DSCAM: variants seen among roughly 807,000 people sequenced by gnomAD.
DSCAM encodes cell adhesion molecule DSCAM.
In DSCAM, 47 loss-of-function variants were observed where a neutral mutation model predicts 217.7. That is an observed-to-expected ratio of 0.22 (90% CI 0.17 to 0.28). The LOEUF (loss-of-function observed/expected upper bound fraction) is 0.28. DSCAM is among the 10% of genes least tolerant of loss of function. The probability of loss-of-function intolerance (pLI) is 1.00; values close to 1 mark genes in which losing one functional copy is unlikely to be tolerated. For missense variants in DSCAM, 2,080 were observed against 2,618.3 expected, an observed-to-expected ratio of 0.79 and a Z score of 4.49; for synonymous variants, 1,056 against 1,015.3, an observed-to-expected ratio of 1.04 and a Z score of -0.76.
At chr21:40,635,995 C>T (rs2089753420) in intron 3 of DSCAM, among the ~76,000 whole-genome samples, 1 of 152,140 alleles carries the variant, frequency 6.6e-6, no homozygotes, top group Non-Finnish European at 1.5e-5. Flanking sequence ...AATGAATTCT[C>T]TGAAGAGAAA....
At chr21:40,384,070 C>T (rs2837598) in intron 3 of DSCAM, 15,326 of 152,298 alleles carry the variant, frequency 0.1, 1,140 homozygotes, top group Admixed American at 0.24. Flanking sequence ...TTGGAGATCA[C>T]AGCCAAGGAA....
chr21:40,716,774 A>G (rs1461150326), intron 1 of DSCAM, among the ~76,000 whole-genome samples: 1 of 152,234 alleles, frequency 6.6e-6, no homozygotes, highest in Non-Finnish European at 1.5e-5. Flanking sequence ...CCTACTAGGT[A>G]CCAGGTCTTG....
At chr21:40,606,067 C>T (rs547671198) in intron 3 of DSCAM, among the ~76,000 whole-genome samples, 1 of 152,250 alleles carries the variant, frequency 6.6e-6, no homozygotes, top group Non-Finnish European at 1.5e-5. Context: ...TCCCAAAGTG[C>T]TGGGATTACA....
At chr21:40,576,109 A>T (rs1022766170) in intron 3 of DSCAM, among the ~76,000 whole-genome samples, 1 of 152,224 alleles carries the variant, frequency 6.6e-6, no homozygotes, top group Admixed American at 6.5e-5. Flanking sequence ...TTTCCCCAAG[A>T]GAAATCCTAA....
chr21:40,051,939 A>C lies in DSCAM; in HGVS notation c.5185+19T>G. 6.3e-7 allele frequency: 1 copy of C among 1,599,188 alleles called. No individual in the cohort carries two copies. The highest frequency in any genetic ancestry group is 8.5e-7 in the Non-Finnish European group (1 of 1,173,856). ...GCATTGTTAACACCCACACATTTTA[A>C]GCATTGTTGACCACTCACTCGTTCC... On this transcript the variant is annotated intron_variant, in intron 30 of 32. Transcript: ENST00000400454.
chr21:40,657,157 C>G (rs1215170222), intron 3 of DSCAM, among the ~76,000 whole-genome samples: 1 of 152,200 alleles, frequency 6.6e-6, no homozygotes, highest in Non-Finnish European at 1.5e-5. Context: ...TTTACACTCT[C>G]TCCTAGGTGG....
chr21:40,773,006 A>G (rs9636974), intron 1 of DSCAM, among the ~76,000 whole-genome samples: 41,395 of 152,184 alleles, frequency 0.27, 6,738 homozygotes, highest in Non-Finnish European at 0.36. Context: ...CATTGGCCCT[A>G]TTGCCACAGG....
At chr21:40,380,184 T>C (rs1295522170) in intron 3 of DSCAM, among the ~76,000 whole-genome samples, 1 of 152,254 alleles carries the variant, frequency 6.6e-6, no homozygotes, top group African/African-American at 2.4e-5. Context: ...TCCAACTGTA[T>C]ACCTAATTAC....
intron 1 of DSCAM, among the ~76,000 whole-genome samples, chr21:40,731,761 C>G (rs1402803126): frequency 1.6e-5 from 2 of 127,752 alleles, no homozygotes; most frequent in African/African-American, 5.9e-5. Context: ...GAGAGTCTTG[C>G]TCTTTCACCC....
chr21:40,299,348 G>T (rs2837560), intron 9 of DSCAM, among the ~76,000 whole-genome samples: 2 of 151,836 alleles, frequency 1.3e-5, no homozygotes, highest in Admixed American at 1.3e-4. Context: ...ATTTATTATC[G>T]TGTACCAGTG....
In DSCAM at chr21:40,312,022, C is replaced by T. The variant is rs1035794432; in HGVS notation, c.2062+59G>A. 7.0e-5 allele frequency: 91 copies of T among 1,299,288 alleles called. No homozygotes were observed. The East Asian group carries it at 8.4e-4, about 12-fold the overall frequency. The allele number at this position is 1,299,288 out of a possible 1,614,324, so 80.5% of individuals were successfully genotyped here. A position where few individuals can be genotyped will look rare whatever the true frequency, so the allele number is the denominator to read the frequency against. ...TTCGAAATATTTCAAGCCCCATCAT[C>T]TTAAACCATTGTTAAATCAACTCTA... On this transcript the variant is annotated intron_variant, in intron 9 of 32. Transcript: ENST00000400454.
intron 22 of DSCAM, among the ~76,000 whole-genome samples, chr21:40,086,814 G>C (rs1027414549): frequency 2.0e-5 from 3 of 152,176 alleles, no homozygotes; most frequent in Admixed American, 1.3e-4. Context: ...GAAGAGATAG[G>C]TGTTAAATCT....
At chr21:40,248,077 T>C (rs1334318019) in intron 11 of DSCAM, among the ~76,000 whole-genome samples, 1 of 152,132 alleles carries the variant, frequency 6.6e-6, no homozygotes, top group Non-Finnish European at 1.5e-5. Context: ...GTGGCTGGGA[T>C]GCAGGGCACC....
intron 3 of DSCAM, among the ~76,000 whole-genome samples, chr21:40,606,660 T>C (rs985528630): frequency 2.0e-5 from 3 of 152,186 alleles, no homozygotes; most frequent in Non-Finnish European, 2.9e-5. Context: ...CTGTAGTAGC[T>C]GAGCAGCCCA....
At chr21:40,056,812 A>G (rs911846173) in intron 28 of DSCAM, among the ~76,000 whole-genome samples, 2 of 152,224 alleles carry the variant, frequency 1.3e-5, no homozygotes, top group African/African-American at 4.8e-5. Flanking sequence ...TTAACTCAAT[A>G]ATGGTTTACC....
intron 3 of DSCAM, among the ~76,000 whole-genome samples, chr21:40,641,006 T>C (rs1038642836): frequency 2.0e-5 from 3 of 152,206 alleles, no homozygotes; most frequent in East Asian, 3.8e-4. Flanking sequence ...TGTGTTCATG[T>C]TGAAAGAGAA....
At chr21:40,458,854 AAC>A (rs2075783828) in intron 3 of DSCAM, among the ~76,000 whole-genome samples, 2 of 152,130 alleles carry the variant, frequency 1.3e-5, no homozygotes, top group Admixed American at 6.5e-5. Flanking sequence ...ACAAAGTTAG[AAC>A]TTATCAGGAT....
rs1424200847 is a variant in DSCAM at position 40,144,960 on chromosome 21, T to C, written c.3019-229A>G. On this transcript the variant is annotated intron_variant, in intron 16 of 32. Transcript: ENST00000400454. This position sits in a 1 kb window ranked among gnomAD's most constrained non-coding sequence, Gnocchi z 4.8. ...GGCCCTCCCAGCCCCTCTGAGCCAC[T>C]GGACCGTCAATGGACACAGGAGGTC... is the stretch of plus-strand genomic sequence containing the variant. 6.6e-6 allele frequency among the ~76,000 whole-genome samples: 1 copy of C among 152,138 alleles called. No individual in the cohort carries two copies. The highest frequency in any genetic ancestry group is 6.5e-5 in the Admixed American group (1 of 15,284).
At chr21:40,722,817 TA>T (rs200879852) in intron 1 of DSCAM, among the ~76,000 whole-genome samples, 3 of 151,536 alleles carry the variant, frequency 2.0e-5, no homozygotes, top group Admixed American at 6.6e-5. Context: ...AGACCAAAAG[TA>T]AAAAAAATAG....
Sources: allele counts gnomAD v4.1 joint callset (sites outside exome capture counted in the v4.1 genomes callset), GRCh38; gene constraint gnomAD v4.1.1; non-coding constraint Gnocchi (gnomAD v3.1); transcripts MANE v1.5; gene names NCBI Gene and HGNC (gene_info 2026-07-23, HGNC 2026-07-21).